The following AJAP1 variants were observed in gnomAD, a reference collection of about 807,000 sequenced individuals.
AJAP1 encodes the protein adherens junction-associated protein 1.
A neutral mutation model predicts 35.0 loss-of-function variants in AJAP1; 5 were observed. That is an observed-to-expected ratio of 0.14 (90% CI 0.07 to 0.30). The LOEUF (loss-of-function observed/expected upper bound fraction) is 0.30. Among genes scored for constraint, AJAP1 ranks in the 10% least tolerant of loss-of-function variants. The pLI is 1.00. For missense variants in AJAP1, 586 were observed against 571.0 expected (o/e 1.03, Z -0.27); for synonymous variants, 284 against 249.3 (o/e 1.14, Z -1.31).
intron 1 of AJAP1, among the ~76,000 whole-genome samples, chr1:4,698,802 G>A (rs186860156): frequency 6.6e-6 from 1 of 152,218 alleles, no homozygotes; most frequent in African/African-American, 2.4e-5. Context: ...TGTGCCCTCC[G>A]ATGTGCCAGA....
chr1:4,762,868 C>G (rs916323843), intron 2 of AJAP1, among the ~76,000 whole-genome samples: 3 of 152,168 alleles, frequency 2.0e-5, no homozygotes, highest in South Asian at 2.1e-4. Context: ...TCACTTGGCA[C>G]GAGGCTTGGC....
At chr1:4,741,492 G>A (rs1028317130) in intron 2 of AJAP1, among the ~76,000 whole-genome samples, 1 of 152,176 alleles carries the variant, frequency 6.6e-6, no homozygotes, top group Non-Finnish European at 1.5e-5. Flanking sequence ...AAATATACCA[G>A]TCATGTGTGA....
In AJAP1 at chr1:4,661,278, A is replaced by G. The variant is rs529435564; in HGVS notation, c.29+5824A>G. 3.3e-4 allele frequency among the ~76,000 whole-genome samples: 50 copies of G among 152,334 alleles called. 1 individual carries two copies. In the South Asian group the frequency reaches 9.8e-3, roughly 30 times the overall value. ...CATCCAGATGGGAGGTGCTGGAACT[A>G]ATACTGTAATACTGCTAGGCTTTTC... On this transcript the variant is annotated intron_variant, in intron 1 of 5. Transcript: ENST00000378191.
chr1:4,702,199 A>C (rs191524027), intron 1 of AJAP1, among the ~76,000 whole-genome samples: 1 of 151,418 alleles, frequency 6.6e-6, no homozygotes, highest in South Asian at 2.1e-4. Flanking sequence ...CCAGTGTTCT[A>C]ATGTGTCCCT....
At position 4,690,554 on chromosome 1, in the gene AJAP1, GC is replaced by G. The variant is rs1460714860; in HGVS notation, c.30-21342del. ...TCTTGGCTGGTGGTTGCAGAGCACT[GC>G]CCCTGTCTGGGAGAAACACGGTGTC... On this transcript the variant is annotated intron_variant, in intron 1 of 5. Transcript: ENST00000378191. Among the ~76,000 whole-genome samples the G allele has an allele frequency of 4.6e-5, 7 of 152,188 alleles. No homozygotes were observed. The South Asian group carries it at 1.5e-3, about 32-fold the overall frequency.
chr1:4,742,922 TGAC>T (rs3835540), intron 2 of AJAP1, among the ~76,000 whole-genome samples: 50,349 of 152,008 alleles, frequency 0.33, 8,511 homozygotes, highest in Middle Eastern at 0.39. Flanking sequence ...ATGGTGATGT[TGAC>T]GACTGACCGA....
chr1:4,675,397 G>A (rs1173972510), intron 1 of AJAP1, among the ~76,000 whole-genome samples: 1 of 152,228 alleles, frequency 6.6e-6, no homozygotes, highest in Admixed American at 6.5e-5. Context: ...CTCCCATTGA[G>A]GTCAGGATAC....
intron 2 of AJAP1, among the ~76,000 whole-genome samples, chr1:4,725,822 G>C (rs911689116): frequency 6.6e-6 from 1 of 152,192 alleles, no homozygotes; most frequent in Non-Finnish European, 1.5e-5. Context: ...TTGTCCCTCT[G>C]TGTGTCTGTG....
intron 5 of AJAP1, chr1:4,777,455 C>G (rs1256088755): frequency 1.3e-5 from 2 of 152,228 alleles, no homozygotes; most frequent in Non-Finnish European, 1.5e-5. Flanking sequence ...CAGATTCAGC[C>G]TTTGTGATAG....
chr1:4,730,527 G>C (rs1007231313), intron 2 of AJAP1, among the ~76,000 whole-genome samples: 1 of 152,310 alleles, frequency 6.6e-6, no homozygotes, highest in African/African-American at 2.4e-5. Flanking sequence ...AAGCTGTTGC[G>C]TGTGTGATTG....
At position 4,714,206 on chromosome 1, in the gene AJAP1, G is replaced by A. The variant is rs1201504582; in HGVS notation, c.829+1507G>A. Among the ~76,000 whole-genome samples the A allele has an allele frequency of 2.0e-5, 3 of 152,352 alleles. No homozygotes were observed. In the East Asian group the frequency reaches 5.8e-4, roughly 29 times the overall value. ...CTGAGGGCCATGCCCAGAGATGGAGGCTGTGGGCTTGGGAGAGGCTCTGGA... is the reference window on the plus strand; with the variant it reads ...CTGAGGGCCATGCCCAGAGATGGAGACTGTGGGCTTGGGAGAGGCTCTGGA... On this transcript the variant is annotated intron_variant, in intron 2 of 5. Coordinates refer to ENST00000378191, the MANE Select transcript of AJAP1 (RefSeq NM_018836.4).
At chr1:4,762,941 T>A (rs1641602879) in intron 2 of AJAP1, among the ~76,000 whole-genome samples, 1 of 152,168 alleles carries the variant, frequency 6.6e-6, no homozygotes, top group Admixed American at 6.5e-5. Flanking sequence ...CTCCAAGGTG[T>A]TAGCCCCATG....
chr1:4,664,878 C>A (rs151232822), intron 1 of AJAP1, among the ~76,000 whole-genome samples: 36 of 152,266 alleles, frequency 2.4e-4, no homozygotes, highest in African/African-American at 8.2e-4. Flanking sequence ...TGCCGGTAGA[C>A]TTCCTAGGCA....
chr1:4,769,979 A>G (rs1641798540), intron 3 of AJAP1, 39 bp downstream of exon 3: 1 of 1,543,534 alleles, frequency 6.5e-7, no homozygotes, highest in African/African-American at 1.4e-5. Flanking sequence ...GAAATGGGGG[A>G]CTACCGGGGT....
chr1:4,751,125 C>A (rs1641311744), intron 2 of AJAP1, among the ~76,000 whole-genome samples: 1 of 152,040 alleles, frequency 6.6e-6, no homozygotes, highest in South Asian at 2.1e-4. Context: ...GCCTTGGGAA[C>A]CTACCTGGAC....
chr1:4,702,240 C>T (rs1300815847), intron 1 of AJAP1, among the ~76,000 whole-genome samples: 1 of 152,176 alleles, frequency 6.6e-6, no homozygotes, highest in Non-Finnish European at 1.5e-5. Flanking sequence ...GTTGGGACCT[C>T]GTTCCTGAGC....
intron 5 of AJAP1, among the ~76,000 whole-genome samples, chr1:4,781,441 C>CAACGAT (rs1642061514): frequency 6.6e-6 from 1 of 152,298 alleles, no homozygotes; most frequent in East Asian, 1.9e-4. Flanking sequence ...TGCTAAGCTC[C>CAACGAT]AACGATGACG....
intron 2 of AJAP1, among the ~76,000 whole-genome samples, chr1:4,722,509 G>T (rs967276531): frequency 6.6e-6 from 1 of 152,250 alleles, no homozygotes; most frequent in East Asian, 1.9e-4. Context: ...CTTCATCTGT[G>T]TGTGAGTCCT....
chr1:4,744,901 C>T (rs1641155003), intron 2 of AJAP1, among the ~76,000 whole-genome samples: 1 of 152,090 alleles, frequency 6.6e-6, no homozygotes, highest in Admixed American at 6.5e-5. Context: ...GGACGCGGGG[C>T]TTCAGGAGAG....
Sources: gnomAD v4.1 joint callset for allele counts (sites outside exome capture counted in the v4.1 genomes callset) on GRCh38, gnomAD v4.1.1 for gene constraint, MANE v1.5 for transcripts, NCBI Gene and HGNC (gene_info 2026-07-23, HGNC 2026-07-21) for gene names.